Variants in CDH8 observed in about 807,000 individuals in gnomAD.
CDH8 encodes cadherin-8.
In CDH8, 17 loss-of-function variants were observed where a neutral mutation model predicts 68.1. The ratio of observed to expected loss-of-function variants is 0.25; its 90% confidence interval spans 0.17 to 0.37. The LOEUF is 0.37. Ranked by LOEUF, CDH8 falls within the 10% of genes least tolerant of loss-of-function variation. CDH8 has a pLI of 1.00. For synonymous variants in CDH8, 372 were observed against 365.1 expected (o/e 1.02, Z -0.21); for missense variants, 763 against 999.3 (o/e 0.76, Z 3.19).
chr16:61,889,513 G>A (rs754192773), intron 3 of CDH8, among the ~76,000 whole-genome samples: 18 of 152,144 alleles, frequency 1.2e-4, no homozygotes, highest in Non-Finnish European at 2.6e-4. Flanking sequence ...TATTGACAAA[G>A]GTGTCCCACA....
At chr16:61,718,065 C>G (rs1418060912) in intron 9 of CDH8, among the ~76,000 whole-genome samples, 1 of 151,336 alleles carries the variant, frequency 6.6e-6, no homozygotes, top group Non-Finnish European at 1.5e-5. Context: ...AGCCTAGTTA[C>G]AAGTTCTCTG....
chr16:61,647,459 G>A lies in CDH8; in HGVS notation c.*6149C>T, dbSNP rs1394114709. On this transcript the variant is annotated 3_prime_UTR_variant, in exon 12 of 12. Transcript: ENST00000577390. ...ATATTTGTAGTTAAAGCAGAGTAAC[G>A]TTGGAAAGGTGGGGGGGGTGATCCC... 6 of 122,976 alleles carry A rather than the reference G, an allele frequency of 4.9e-5. No homozygotes were observed. The highest frequency in any genetic ancestry group is 3.6e-4 in the African/African-American group (4 of 11,246). 7.6% of individuals were successfully genotyped at this position (122,976 alleles called of 1,614,324 possible).
At chr16:61,982,206 G>C (rs925204729) in intron 2 of CDH8, among the ~76,000 whole-genome samples, 4 of 152,058 alleles carry the variant, frequency 2.6e-5, no homozygotes, top group African/African-American at 9.7e-5. Context: ...CTCTTTAGCT[G>C]TGAGACATTA....
At chr16:61,832,244 C>T (rs1367753499) in intron 4 of CDH8, among the ~76,000 whole-genome samples, 1 of 151,308 alleles carries the variant, frequency 6.6e-6, no homozygotes, top group African/African-American at 2.4e-5. Flanking sequence ...CCATAAGGCT[C>T]AAAGAAAACA....
At position 61,683,770 on chromosome 16, in the gene CDH8, G is replaced by C. The variant is rs16963817; in HGVS notation, c.1655-28049C>G. On this transcript the variant is annotated intron_variant, in intron 10 of 11. Transcript: ENST00000577390. ...GATGGAAATATTCTGAAATCCATTT[G>C]AGCTTCTTGTTGCTCAATGGCAATT... Among the ~76,000 whole-genome samples, 378 of 152,082 alleles carry C rather than the reference G, an allele frequency of 2.5e-3. 4 individuals are homozygous for C. Among genetic ancestry groups the C allele is most frequent in the Admixed American group, 7.7e-3 (117 of 15,256 alleles).
At chr16:62,028,853 G>A (rs868372449) in intron 1 of CDH8, among the ~76,000 whole-genome samples, 12 of 152,024 alleles carry the variant, frequency 7.9e-5, no homozygotes, top group South Asian at 2.1e-4. Flanking sequence ...TTGAAGTCAC[G>A]CCCTTTGCAG....
At chr16:61,711,251 C>A (rs760780473) in intron 10 of CDH8, among the ~76,000 whole-genome samples, 12 of 151,690 alleles carry the variant, frequency 7.9e-5, no homozygotes, top group Non-Finnish European at 1.8e-4. Context: ...ATATAAGAGA[C>A]AAGAAAAATT....
Position 61,697,504 on chromosome 16 carries a change from T to A in CDH8, c.1654+16337A>T, listed in dbSNP as rs767342126. On this transcript the variant is annotated intron_variant, in intron 10 of 11. Transcript: ENST00000577390. Reference sequence around the variant, plus strand: ...CTACACTTTTGGAGAGTTATTTTTTTTTTTTTTGAGACAGAGTCCTGCCCT... The same window carrying A: ...CTACACTTTTGGAGAGTTATTTTTTATTTTTTTGAGACAGAGTCCTGCCCT... 4.5e-3 allele frequency among the ~76,000 whole-genome samples: 678 copies of A among 152,098 alleles called. 6 individuals are homozygous for A. Among genetic ancestry groups the A allele is most frequent in the Non-Finnish European group, 4.8e-3 (329 of 67,970 alleles).
chr16:61,795,852 A>G (rs941280199), intron 7 of CDH8, among the ~76,000 whole-genome samples: 1 of 152,076 alleles, frequency 6.6e-6, no homozygotes, highest in Non-Finnish European at 1.5e-5. Context: ...AGAGATGAGA[A>G]GCTATATCAT....
At chr16:61,969,983 G>A (rs1393092949) in intron 2 of CDH8, among the ~76,000 whole-genome samples, 1 of 152,166 alleles carries the variant, frequency 6.6e-6, no homozygotes, top group East Asian at 1.9e-4. Flanking sequence ...CTATGTGCTA[G>A]GCCAGCTGCT....
chr16:62,002,283 C>T (rs934703255), intron 2 of CDH8, among the ~76,000 whole-genome samples: 6 of 152,098 alleles, frequency 3.9e-5, no homozygotes, highest in African/African-American at 1.4e-4. Flanking sequence ...AATGTGACTA[C>T]TTTACCCGAG....
intron 8 of CDH8, among the ~76,000 whole-genome samples, chr16:61,741,311 C>T (rs557589913): frequency 3.9e-5 from 6 of 152,112 alleles, no homozygotes; most frequent in Non-Finnish European, 5.9e-5. Context: ...ATATGTACCA[C>T]AATTCCTTCT....
At chr16:61,914,038 T>C (rs549594707) in intron 2 of CDH8, among the ~76,000 whole-genome samples, 2 of 152,114 alleles carry the variant, frequency 1.3e-5, no homozygotes, top group Non-Finnish European at 2.9e-5. Flanking sequence ...ATCTGACTGG[T>C]GTCTTTATAA....
chr16:61,860,851 G>A (rs1030328211), intron 3 of CDH8, among the ~76,000 whole-genome samples: 1 of 152,154 alleles, frequency 6.6e-6, no homozygotes, highest in Non-Finnish European at 1.5e-5. Context: ...GAAAAACCGT[G>A]TTGTTTTATT....
intron 10 of CDH8, among the ~76,000 whole-genome samples, chr16:61,673,261 T>C (rs146185319): frequency 6.6e-6 from 1 of 152,238 alleles, no homozygotes; most frequent in Non-Finnish European, 1.5e-5. Flanking sequence ...GGCCTCTCCT[T>C]TTCTTCCTCA....
intron 1 of CDH8, among the ~76,000 whole-genome samples, chr16:62,033,891 T>A (rs894753843): frequency 3.9e-5 from 6 of 152,128 alleles, no homozygotes; most frequent in African/African-American, 1.4e-4. Context: ...AAAGGCGATT[T>A]AAAATACTGT....
chr16:61,985,989 G>T (rs1445976395), intron 2 of CDH8, among the ~76,000 whole-genome samples: 1 of 130,322 alleles, frequency 7.7e-6, no homozygotes, highest in Non-Finnish European at 1.6e-5. Flanking sequence ...AGTGGCACAA[G>T]CTCAACTCAC....
chr16:62,011,628 C>A (rs1453262210), intron 2 of CDH8, among the ~76,000 whole-genome samples: 1 of 151,944 alleles, frequency 6.6e-6, no homozygotes, highest in African/African-American at 2.4e-5. Context: ...ATGTGTATTT[C>A]ATTTTAAAGC....
chr16:61,859,948 G>A (rs561670055), intron 3 of CDH8, among the ~76,000 whole-genome samples: 7 of 152,214 alleles, frequency 4.6e-5, no homozygotes, highest in South Asian at 2.1e-4. Context: ...GGGTTCAGGC[G>A]ATTCTCCTGC....
Sources: gnomAD v4.1 joint callset for allele counts (sites outside exome capture counted in the v4.1 genomes callset) on GRCh38, gnomAD v4.1.1 for gene constraint, MANE v1.5 for transcripts, NCBI Gene and HGNC (gene_info 2026-07-23, HGNC 2026-07-21) for gene names.